Variants in KASH5 observed in about 807,000 individuals in gnomAD.
The protein encoded by KASH5 is KASH domain containing 5.
KASH5 carries 72 observed loss-of-function variants against 84.2 expected under a neutral mutation model. The observed-to-expected ratio is 0.85, with a 90% CI of 0.71 to 1.04. KASH5 has a LOEUF of 1.04. KASH5 is among the 50% of genes least tolerant of loss of function. KASH5 has a pLI of 0.00. For synonymous variants in KASH5, 260 were observed against 279.1 expected (o/e 0.93, Z 0.68); for missense variants, 650 against 701.0 (o/e 0.93, Z 0.82).
intron 15 of KASH5, among the ~76,000 whole-genome samples, chr19:49,410,434 C>T (rs1391671297): frequency 6.6e-6 from 1 of 151,596 alleles, no homozygotes; most frequent in African/African-American, 2.4e-5. Flanking sequence ...GCAATCCTCC[C>T]ACCTCAGCCT....
At chr19:49,390,285 A>T (rs1352720990) in intron 1 of KASH5, 2 of 152,520 alleles carry the variant, frequency 1.3e-5, no homozygotes, top group African/African-American at 4.8e-5. Context: ...TGGGCATGGG[A>T]GCGGTCCGCA....
intron 9 of KASH5, among the ~76,000 whole-genome samples, chr19:49,402,670 G>T (rs148178693): frequency 3.9e-5 from 6 of 152,132 alleles, no homozygotes; most frequent in Non-Finnish European, 7.4e-5. Flanking sequence ...TTGTGCCACC[G>T]CATTCTAGCC....
rs147642514 is a variant in KASH5 at position 49,407,081 on chromosome 19, C to T, written c.876+118C>T. ...GGGTCTTCCATCAAGCTGTCAGGCT[C>T]CCAGGACCACCCAGGCATCCCTAAA... On this transcript the variant is annotated intron_variant, in intron 10 of 19. Coordinates refer to ENST00000447857, the MANE Select transcript of KASH5 (RefSeq NM_144688.5). The T allele has an allele frequency of 3.2e-6, 4 of 1,247,952 alleles. No individual in the cohort carries two copies. In the African/African-American group the frequency reaches 6.0e-5, roughly 19 times the overall value. 77.3% of individuals were successfully genotyped at this position (1,247,952 alleles called of 1,614,324 possible).
intron 9 of KASH5, among the ~76,000 whole-genome samples, chr19:49,403,364 T>G (rs1974424510): frequency 7.4e-6 from 1 of 135,346 alleles, no homozygotes. Context: ...AGAGCAAGAC[T>G]CTGTCTCAAA....
chr19:49,407,123 A>C, intron 10 of KASH5, 117 bp from the exon 11 acceptor site: 6 of 1,358,720 alleles, frequency 4.4e-6, no homozygotes, highest in African/African-American at 1.4e-5. Flanking sequence ...GAAGTCCTGG[A>C]ACATCTCAGG....
In KASH5 at chr19:49,388,259, C is replaced by A. The variant is rs905811583; in HGVS notation, c.-164C>A. On this transcript the variant is annotated 5_prime_UTR_variant, in exon 1 of 20. Transcript: ENST00000447857. ...TGGCGGGAAAAGCTCACGCGCACCT[C>A]CCCCAACTCAACTGCCGTTCGTCGT... is the stretch of plus-strand genomic sequence containing the variant. The A allele has an allele frequency of 6.6e-6, 1 of 152,310 alleles. No homozygotes were observed. Among genetic ancestry groups the A allele is most frequent in the Non-Finnish European group, 1.5e-5 (1 of 68,098 alleles). 9.4% of individuals were successfully genotyped at this position (152,310 alleles called of 1,614,324 possible).
chr19:49,408,988 C>T lies in KASH5; in HGVS notation c.1015C>T (p.Arg339Cys), dbSNP rs551444461. 1.6e-5 allele frequency: 26 copies of T among 1,589,878 alleles called. No homozygotes were observed. Among genetic ancestry groups the T allele is most frequent in the South Asian group, 6.9e-5 (6 of 86,908 alleles). Residue 339 changes from arginine (R) to cysteine (C), a missense_variant, in exon 13 of 20, where the codon CGC becomes TGC. By Grantham distance (180) the Arg-to-Cys change is radical. Transcript: ENST00000447857. Reference sequence around the variant, plus strand: ...GCAGGAACTGAGGCTGGAGATTTCACGCCTGGAGGAGCAGCTGAGTCAGAC... The same window carrying T: ...GCAGGAACTGAGGCTGGAGATTTCATGCCTGGAGGAGCAGCTGAGTCAGAC... The part of the protein sequence containing the change: ...TTQELRLEIS[R>C]LEEQLSQTYE...
chr19:49,416,993 C>T lies in KASH5; in HGVS notation c.1375-22C>T, dbSNP rs773502416. The T allele has an allele frequency of 1.5e-5, 23 of 1,570,848 alleles. No homozygotes were observed. Among genetic ancestry groups the T allele is most frequent in the African/African-American group, 4.1e-5 (3 of 73,826 alleles). On this transcript the variant is annotated intron_variant, in intron 17 of 19. Transcript: ENST00000447857. The surrounding 1 kb of genome is among the most constrained non-coding windows in gnomAD (Gnocchi z 5.4). ...TCAGTCCAGAACCCGGTGCCTCCAA[C>T]GCATCTCTTCTGTCCTTGCAGGCTG...
chr19:49,409,920 C>T, intron 15 of KASH5, 45 bp downstream of exon 15: 1 of 1,602,754 alleles, frequency 6.2e-7, no homozygotes, highest in Non-Finnish European at 8.5e-7. Flanking sequence ...GGAAAGGGGC[C>T]AGGAGCTCCA....
chr19:49,398,209 C>T, intron 7 of KASH5, 66 bp downstream of exon 7: 1 of 1,404,742 alleles, frequency 7.1e-7, no homozygotes, highest in Non-Finnish European at 9.6e-7. Flanking sequence ...AGCAGCCGGC[C>T]TCTATCTCCC....
intron 16 of KASH5, among the ~76,000 whole-genome samples, chr19:49,413,700 G>A (rs1443447972): frequency 6.6e-6 from 1 of 152,198 alleles, no homozygotes; most frequent in Non-Finnish European, 1.5e-5. Flanking sequence ...GGGGGAGGCA[G>A]GTGCCATGCG....
intron 12 of KASH5, 57 bp from the exon 13 acceptor site, chr19:49,408,910 G>T (rs1974618548): frequency 6.5e-7 from 1 of 1,534,134 alleles, no homozygotes; most frequent in African/African-American, 1.4e-5. Context: ...CCCAGAGGTG[G>T]ATGGGAGGGT....
In KASH5 at chr19:49,417,169, C is replaced by A; in HGVS notation, c.1450C>A (p.Arg484=). ...PENPPERPAR[R]ELQQALVPVM... The stretch of plus-strand genomic sequence containing the variant: ...CCTTCACCCCAGCAGACCTGCGCGG[C>A]GGGAACTCCAGCAAGCCCTGGTGCC... The change falls in exon 19 of 20, where the codon CGG becomes AGG. Residue 484 remains arginine (R), a synonymous_variant. Transcript: ENST00000447857. The surrounding 1 kb of genome is among the most constrained non-coding windows in gnomAD (Gnocchi z 5.2). The A allele has an allele frequency of 6.2e-7, 1 of 1,613,704 alleles. No homozygotes were observed. Among genetic ancestry groups the A allele is most frequent in the Non-Finnish European group, 8.5e-7 (1 of 1,179,776 alleles).
In KASH5 at chr19:49,399,534, A is replaced by G. The variant is rs1245424227; in HGVS notation, c.798+27A>G. The G allele has an allele frequency of 1.3e-6, 2 of 1,590,694 alleles. No individual in the cohort carries two copies. The highest frequency in any genetic ancestry group is 3.6e-5 in the Admixed American group (2 of 56,080). On this transcript the variant is annotated intron_variant, in intron 9 of 19. Transcript: ENST00000447857. This position sits in a 1 kb window ranked among gnomAD's most constrained non-coding sequence, Gnocchi z 4.4. ...TGAGCGGAGGCCCAGCACCACCCCC[A>G]CCCCTTCCCCAGTCCTTAAGGTCTT...
intron 15 of KASH5, among the ~76,000 whole-genome samples, chr19:49,411,905 A>G (rs1974721324): frequency 7.0e-6 from 1 of 142,956 alleles, no homozygotes; most frequent in African/African-American, 2.6e-5. Context: ...GGAAGGAGGG[A>G]GGGAGGGAAG....
Position 49,417,568 on chromosome 19 carries a change from T to C in KASH5, c.*58T>C. On this transcript the variant is annotated 3_prime_UTR_variant, in exon 20 of 20. Coordinates refer to ENST00000447857, the MANE Select transcript of KASH5 (RefSeq NM_144688.5). This position sits in a 1 kb window ranked among gnomAD's most constrained non-coding sequence, Gnocchi z 5.2. Reference sequence around the variant, plus strand: ...GCTCAATAAATCCCCTGGCCCTCTCTCCACTGGGATCCCCATTGTTAGTCC... The same window carrying C: ...GCTCAATAAATCCCCTGGCCCTCTCCCCACTGGGATCCCCATTGTTAGTCC... 1 of 1,456,446 alleles carries C rather than the reference T, an allele frequency of 6.9e-7. No individual in the cohort carries two copies. Among genetic ancestry groups the C allele is most frequent in the Non-Finnish European group, 9.1e-7 (1 of 1,099,966 alleles). The allele number at this position is 1,456,446 out of a possible 1,614,324, so 90.2% of individuals were successfully genotyped here.
chr19:49,409,973 T>C, intron 15 of KASH5, 98 bp downstream of exon 15: 2 of 1,478,756 alleles, frequency 1.4e-6, no homozygotes, highest in Admixed American at 2.1e-5. Context: ...TTTTGCTTGT[T>C]CCCCATTTGA....
chr19:49,399,833 T>G lies in KASH5; in HGVS notation c.798+326T>G. 2.2e-6 allele frequency: 1 copy of G among 447,528 alleles called. No homozygotes were observed. Among genetic ancestry groups the G allele is most frequent in the South Asian group, 4.1e-5 (1 of 24,228 alleles). 27.7% of individuals were successfully genotyped at this position (447,528 alleles called of 1,614,324 possible). ...TCTGCCTCAGTGGTTTGTGTGAGAC[T>G]TCAACCGAAGGATACTTGCAAAGTC... On this transcript the variant is annotated intron_variant, in intron 9 of 19. Coordinates refer to ENST00000447857, the MANE Select transcript of KASH5 (RefSeq NM_144688.5). This position sits in a 1 kb window ranked among gnomAD's most constrained non-coding sequence, Gnocchi z 4.4.
In KASH5 at chr19:49,407,606, T is replaced by C. The variant is rs1423900775; in HGVS notation, c.934-6T>C. 2 of 1,589,866 alleles carry C rather than the reference T, an allele frequency of 1.3e-6. No individual in the cohort carries two copies. The highest frequency in any genetic ancestry group is 1.7e-6 in the Non-Finnish European group (2 of 1,168,558). On this transcript the variant is annotated splice_polypyrimidine_tract_variant and splice_region_variant and intron_variant, in intron 11 of 19. Transcript: ENST00000447857. The stretch of plus-strand genomic sequence containing the variant: ...CCCAGTCTCATTTGGCTTTCGGCTT[T>C]CCTAGCGCACTCGCGATGTGGAGAG...
Sources: allele counts gnomAD v4.1 joint callset (sites outside exome capture counted in the v4.1 genomes callset), GRCh38; gene constraint gnomAD v4.1.1; non-coding constraint Gnocchi (gnomAD v3.1); transcripts MANE v1.5; gene names NCBI Gene and HGNC (gene_info 2026-07-23, HGNC 2026-07-21).